Variants in CPLANE1 observed in about 807,000 individuals in gnomAD.
The protein encoded by CPLANE1 is ciliogenesis and planar polarity effector complex subunit 1.
CPLANE1 carries 263 observed loss-of-function variants against 362.5 expected under a neutral mutation model. That is an observed-to-expected ratio of 0.73 (90% CI 0.66 to 0.80). The LOEUF is 0.80. CPLANE1 is among the 30% of genes least tolerant of loss of function. CPLANE1 has a pLI of 0.00. For synonymous variants in CPLANE1, 1,212 were observed against 1,302.6 expected (o/e 0.93, Z 1.50); for missense variants, 3,461 against 3,793.4 (o/e 0.91, Z 2.30).
At chr5:37,122,689 G>A (rs1000292805) in intron 47 of CPLANE1, among the ~76,000 whole-genome samples, 12 of 152,022 alleles carry the variant, frequency 7.9e-5, no homozygotes, top group African/African-American at 1.9e-4. Context: ...TGCGGCGGGC[G>A]GATCACCTGA....
Position 37,244,529 on chromosome 5 carries a change from A to C in CPLANE1, c.416T>G (p.Phe139Cys). 1 of 1,551,902 alleles carries C rather than the reference A, an allele frequency of 6.4e-7. No individual in the cohort carries two copies. Among genetic ancestry groups the C allele is most frequent in the Non-Finnish European group, 8.7e-7 (1 of 1,147,030 alleles). The change falls in exon 5 of 53, where the codon TTT becomes TGT. Residue 139 changes from phenylalanine (F) to cysteine (C), a missense_variant. This residue lies in a region of CPLANE1 where 3,380 missense variants were observed against 3,666.1 expected (regional missense o/e 0.92). Transcript: ENST00000651892. ...IVLITPSGCI[F>C]LWEYLELKNI... Reference sequence around the variant, plus strand: ...CTTTAATTCCAAATATTCCCAAAGAAATATGCATCCAGAAGGTGTTATGAG... The same window carrying C: ...CTTTAATTCCAAATATTCCCAAAGACATATGCATCCAGAAGGTGTTATGAG...
chr5:37,157,178 A>C (rs1775360353), intron 41 of CPLANE1, 135 bp downstream of exon 41: 1 of 339,020 alleles, frequency 2.9e-6, no homozygotes, highest in African/African-American at 2.1e-5. Context: ...TATTTCATTT[A>C]CCTACTTGCC....
At chr5:37,149,551 C>T (rs550887589) in intron 42 of CPLANE1, among the ~76,000 whole-genome samples, 5 of 152,048 alleles carry the variant, frequency 3.3e-5, no homozygotes, top group South Asian at 4.2e-4. Flanking sequence ...TATAGAGGGC[C>T]GACTGTATAC....
At chr5:37,133,370 G>A (rs1216336900) in intron 46 of CPLANE1, among the ~76,000 whole-genome samples, 1 of 152,012 alleles carries the variant, frequency 6.6e-6, no homozygotes, top group Non-Finnish European at 1.5e-5. Context: ...TGGGCAGTAT[G>A]GTTATTTTAA....
In CPLANE1 at chr5:37,169,353, C is replaced by T. The variant is rs781188484; in HGVS notation, c.6671G>A (p.Gly2224Asp). 2 of 1,614,134 alleles carry T rather than the reference C, an allele frequency of 1.2e-6. No individual in the cohort carries two copies. Among genetic ancestry groups the T allele is most frequent in the Admixed American group, 3.3e-5 (2 of 60,010 alleles). Reference sequence around the variant, plus strand: ...AGACTTAAATTGAAGCAAAGGAAAGCCATCACCAGGACTAAATGTTTTTGC... The same window carrying T: ...AGACTTAAATTGAAGCAAAGGAAAGTCATCACCAGGACTAAATGTTTTTGC... ...PHAKTFSPGD[G>D]FPLLQFKSKQ... The change falls in exon 34 of 53, where the codon GGC becomes GAC. Residue 2224 changes from glycine to aspartate, a missense_variant. Around this residue, in one of 2 missense-constraint regions of CPLANE1, gnomAD observed 3,380 missense variants for 3,666.1 expected, o/e 0.92. Coordinates refer to ENST00000651892, the MANE Select transcript of CPLANE1 (RefSeq NM_001384732.1).
the CPLANE1 span, among the ~76,000 whole-genome samples, chr5:37,090,621 A>G: frequency 6.6e-6 from 1 of 152,150 alleles, no homozygotes; most frequent in African/African-American, 2.4e-5. Context: ...CCCATACCTA[A>G]TGCTTTAACA....
At position 37,183,630 on chromosome 5, in the gene CPLANE1, C is replaced by G. The variant is rs1783238121; in HGVS notation, c.4551G>C (p.Gln1517His). The G allele has an allele frequency of 6.2e-7, 1 of 1,612,042 alleles. No individual in the cohort carries two copies. Among genetic ancestry groups the G allele is most frequent in the African/African-American group, 1.3e-5 (1 of 74,890 alleles). The change falls in exon 26 of 53, where the codon CAG becomes CAC. Residue 1517 changes from glutamine to histidine, a missense_variant. Gln to His is a conservative substitution (Grantham distance 24). Transcript: ENST00000651892. ...CTTCTTTCTTTGTAGGATTTTCTTT[C>G]TGATTACACATTTTCCTTTTATCAG... ...KPTDKRKMCN[Q>H]KENPTKKEDH... is the part of the protein sequence containing the mutation.
Position 37,138,797 on chromosome 5 carries a change from A to G in CPLANE1, c.8715T>C (p.Ile2905=). 1 of 1,613,158 alleles carries G rather than the reference A, an allele frequency of 6.2e-7. No homozygotes were observed. Among genetic ancestry groups the G allele is most frequent in the African/African-American group, 1.3e-5 (1 of 75,026 alleles). The part of the protein sequence containing the change: ...QMTGLTDIAD[I]IDDLIIKDGV... ...CGTCTTTAATTATAAGGTCATCAAT[A>G]ATGTCTGCAATATCAGTCAATCCAG... Residue 2905 remains isoleucine (I), a synonymous_variant, in exon 46 of 53, where the codon ATT becomes ATC. Transcript: ENST00000651892.
At chr5:37,202,753 A>G (rs1369248040) in intron 18 of CPLANE1, among the ~76,000 whole-genome samples, 1 of 152,092 alleles carries the variant, frequency 6.6e-6, no homozygotes, top group East Asian at 1.9e-4. Flanking sequence ...TCCTTGTCTG[A>G]TATTAACATT....
intron 14 of CPLANE1, among the ~76,000 whole-genome samples, chr5:37,223,729 C>T (rs993618792): frequency 6.6e-6 from 1 of 152,176 alleles, no homozygotes; most frequent in African/African-American, 2.4e-5. Context: ...AACTTACATA[C>T]AATTCTTAAA....
the CPLANE1 span, chr5:37,084,980 C>T: frequency 1.8e-6 from 1 of 555,434 alleles, no homozygotes; most frequent in East Asian, 2.9e-5. Context: ...CAGACAAAAC[C>T]AACTTTAAAG....
intron 42 of CPLANE1, among the ~76,000 whole-genome samples, chr5:37,148,601 C>T (rs891107457): frequency 1.4e-4 from 22 of 152,342 alleles, no homozygotes; most frequent in East Asian, 9.6e-4. Flanking sequence ...TGGCATAACA[C>T]GGTCAACCCA....
At chr5:37,126,759 G>A (rs76846491) in intron 46 of CPLANE1, among the ~76,000 whole-genome samples, 2,599 of 152,292 alleles carry the variant, frequency 0.017, 57 homozygotes, top group African/African-American at 0.052. Context: ...CTACTTGGGA[G>A]GCTGAAGTGG....
chr5:37,137,307 C>A (rs899272789), intron 46 of CPLANE1, among the ~76,000 whole-genome samples: 7 of 152,200 alleles, frequency 4.6e-5, no homozygotes, highest in Non-Finnish European at 8.8e-5. Flanking sequence ...CCATCTGAGA[C>A]CACCTCAGCC....
chr5:37,166,369 G>A (rs910597482), intron 35 of CPLANE1, among the ~76,000 whole-genome samples: 1 of 152,076 alleles, frequency 6.6e-6, no homozygotes, highest in African/African-American at 2.4e-5. Flanking sequence ...TAAGATGATT[G>A]GTTCAAAGTA....
chr5:37,154,459 C>CTTATTTGTTTTTTTTTTTTT (rs1774451808), intron 41 of CPLANE1, among the ~76,000 whole-genome samples: 1 of 84,622 alleles, frequency 1.2e-5, no homozygotes, highest in African/African-American at 5.7e-5. Context: ...TGCAATAGTT[C>CTTATTTGTTTTTTTTTTTTT]TTTTTTTTTT....
intron 8 of CPLANE1, among the ~76,000 whole-genome samples, chr5:37,235,006 TA>T (rs959914669): frequency 1.3e-5 from 2 of 151,894 alleles, no homozygotes; most frequent in Admixed American, 1.3e-4. Context: ...TCAGGCAAGA[TA>T]AAAAAATAAA....
At chr5:37,114,227 C>T (rs557204914) in intron 51 of CPLANE1, among the ~76,000 whole-genome samples, 37 of 152,308 alleles carry the variant, frequency 2.4e-4, no homozygotes, top group Admixed American at 4.6e-4. Context: ...AGATAATGCA[C>T]ATGAGGTGTG....
chr5:37,212,038 A>C, intron 16 of CPLANE1: 1 of 937,376 alleles, frequency 1.1e-6, no homozygotes, highest in South Asian at 1.3e-5. Context: ...AAAGAACGAA[A>C]GCAGAGAGAA....
Sources: allele counts gnomAD v4.1 joint callset (sites outside exome capture counted in the v4.1 genomes callset), GRCh38; gene constraint gnomAD v4.1.1; regional missense constraint gnomAD v4.1.1; transcripts MANE v1.5; gene names NCBI Gene and HGNC (gene_info 2026-07-23, HGNC 2026-07-21).